Variants in SETX observed in about 807,000 individuals in gnomAD.
The protein encoded by SETX is helicase senataxin.
SETX carries 90 observed loss-of-function variants against 227.2 expected under a neutral mutation model. That is an observed-to-expected ratio of 0.40 (90% confidence interval 0.33 to 0.47). The LOEUF (loss-of-function observed/expected upper bound fraction) is 0.47. Ranked by LOEUF, SETX falls within the 20% of genes least tolerant of loss-of-function variation. SETX has a pLI of 0.91. For missense variants in SETX, 3,052 were observed against 3,181.5 expected (o/e 0.96, Z 0.98); for synonymous variants, 1,210 against 1,113.2 (o/e 1.09, Z -1.73).
intron 6 of SETX, among the ~76,000 whole-genome samples, chr9:132,335,313 C>T (rs548367821): frequency 7.4e-6 from 1 of 135,164 alleles, no homozygotes; most frequent in Non-Finnish European, 1.5e-5. Context: ...ATGGCGTGAA[C>T]CCAGGAGGCG....
chr9:132,343,147 G>A (rs1459289766), intron 4 of SETX, among the ~76,000 whole-genome samples: 3 of 151,962 alleles, frequency 2.0e-5, no homozygotes, highest in East Asian at 1.9e-4. Flanking sequence ...GTGAAACCCC[G>A]TCTCTACTAA....
rs916062372 is a variant in SETX at position 132,288,201 on chromosome 9, A to G, written c.6324+35T>C. ...AAAAAAAACTTGTTAACTAGTTCGT[A>G]TACCTGAGTTATTATTCAAGAAATG... is the stretch of plus-strand genomic sequence containing the variant. On this transcript the variant is annotated intron_variant, in intron 17 of 25. Coordinates refer to ENST00000224140, the MANE Select transcript of SETX (RefSeq NM_015046.7). 3 of 1,553,464 alleles carry G rather than the reference A, an allele frequency of 1.9e-6. No homozygotes were observed. The African/African-American group carries it at 4.1e-5, about 21-fold the overall frequency.
chr9:132,332,185 TCTA>T (rs1847277232), intron 7 of SETX, among the ~76,000 whole-genome samples: 1 of 152,218 alleles, frequency 6.6e-6, no homozygotes, highest in Admixed American at 6.5e-5. Context: ...AAGATATTGA[TCTA>T]CTGTTTATTT....
Position 132,283,105 on chromosome 9 carries a change from G to A in SETX, c.6546+159C>T. ...CACTTTCACTATGGAGGGTCATTAA[G>A]GAGTATATTTCTACATAAGGGAATA... On this transcript the variant is annotated intron_variant, in intron 19 of 25. Coordinates refer to ENST00000224140, the MANE Select transcript of SETX (RefSeq NM_015046.7). The A allele has an allele frequency of 3.4e-6, 3 of 885,574 alleles. No individual in the cohort carries two copies. The South Asian group carries it at 4.6e-5, about 13-fold the overall frequency. The allele number at this position is 885,574 out of a possible 1,614,324, so 54.9% of individuals were successfully genotyped here.
intron 10 of SETX, 66 bp from the exon 11 acceptor site, chr9:132,311,922 T>C: frequency 8.1e-7 from 1 of 1,233,294 alleles, no homozygotes; most frequent in Non-Finnish European, 1.2e-6. Flanking sequence ...ATAGTAACAT[T>C]TTCCAAAGTT....
intron 15 of SETX, among the ~76,000 whole-genome samples, chr9:132,295,585 C>T (rs1202796401): frequency 6.6e-6 from 1 of 152,214 alleles, no homozygotes; most frequent in Non-Finnish European, 1.5e-5. Flanking sequence ...TGTGGAACAC[C>T]CCACATTTTA....
chr9:132,265,229 T>G (rs370282254), intron 25 of SETX, among the ~76,000 whole-genome samples: 25 of 144,758 alleles, frequency 1.7e-4, no homozygotes, highest in South Asian at 4.5e-4. Context: ...CTTTTGTTTT[T>G]TTTTTTTTTT....
intron 10 of SETX, among the ~76,000 whole-genome samples, chr9:132,320,106 G>C (rs954683544): frequency 2.0e-5 from 3 of 151,970 alleles, no homozygotes; most frequent in Non-Finnish European, 4.4e-5. Context: ...TCTTCTTCCC[G>C]TCACATCAAT....
intron 9 of SETX, among the ~76,000 whole-genome samples, chr9:132,330,789 A>G (rs1054610753): frequency 7.9e-5 from 12 of 152,200 alleles, no homozygotes; most frequent in Admixed American, 6.5e-4. Flanking sequence ...TTTGATTTCT[A>G]GTCATGCCAT....
In SETX at chr9:132,348,230, G is replaced by A. The variant is rs562041335; in HGVS notation, c.177+1022C>T. On this transcript the variant is annotated intron_variant, in intron 3 of 25. Transcript: ENST00000224140. ...AAAAATTAGCCGGGTGTGGTGGCACGTGCCTTTAGTCCCAGCTACTTGGGA... is the reference window on the plus strand; with the variant it reads ...AAAAATTAGCCGGGTGTGGTGGCACATGCCTTTAGTCCCAGCTACTTGGGA... 3.3e-5 allele frequency among the ~76,000 whole-genome samples: 5 copies of A among 151,496 alleles called. No homozygotes were observed. In the South Asian group the frequency reaches 6.2e-4, roughly 19 times the overall value.
At chr9:132,322,432 A>G (rs1846421784) in intron 10 of SETX, among the ~76,000 whole-genome samples, 1 of 151,972 alleles carries the variant, frequency 6.6e-6, no homozygotes, top group Non-Finnish European at 1.5e-5. Context: ...TTCTGTCTCT[A>G]CAGATTTGCC....
At chr9:132,319,033 G>A (rs1359540896) in intron 10 of SETX, among the ~76,000 whole-genome samples, 2 of 152,144 alleles carry the variant, frequency 1.3e-5, no homozygotes, top group East Asian at 1.9e-4. Context: ...TCCCAAAAGA[G>A]AGGGCCATTA....
chr9:132,290,574 CAAA>C lies in SETX; in HGVS notation c.6107-1926_6107-1924del, dbSNP rs59954158. The stretch of plus-strand genomic sequence containing the variant: ...TGGGAGACAGAGCGAGACTCCGTCT[CAAA>C]AAAAAAAAAAAAAAAAAAAAAAAAT... On this transcript the variant is annotated intron_variant, in intron 15 of 25. Transcript: ENST00000224140. Among the ~76,000 whole-genome samples, 18 of 44,714 alleles carry C rather than the reference CAAA, an allele frequency of 4.0e-4. No individual in the cohort carries two copies. In the East Asian group the frequency reaches 4.3e-3, roughly 11 times the overall value. 29.3% of individuals were successfully genotyped at this position (44,714 alleles called of 152,430 possible).
intron 9 of SETX, 24 bp downstream of exon 9, chr9:132,331,028 C>G (rs764513640): frequency 6.5e-7 from 1 of 1,527,378 alleles, no homozygotes; most frequent in East Asian, 2.2e-5. Flanking sequence ...AAAATAGCAT[C>G]TGAATTTTCA....
In SETX at chr9:132,329,888, T is replaced by A; in HGVS notation, c.1710A>T (p.Leu570Phe). Residue 570 changes from leucine (L) to phenylalanine (F), a missense_variant, in exon 10 of 26, where the codon TTA becomes TTT. By Grantham distance (22) the Leu-to-Phe change is conservative (BLOSUM62 0). Transcript: ENST00000224140. ...DKLNLFLRGN[L>F]SLGWQLTSQE... ...GACTAGTCAACTGCCAACCTAGAGA[T>A]AAATTTCCTCTAAGGAATAAGTTGA... 6.2e-7 allele frequency: 1 copy of A among 1,614,180 alleles called. No individual in the cohort carries two copies. Among genetic ancestry groups the A allele is most frequent in the Non-Finnish European group, 8.5e-7 (1 of 1,180,028 alleles).
At chr9:132,302,949 T>G (rs1427596213) in intron 11 of SETX, among the ~76,000 whole-genome samples, 1 of 152,200 alleles carries the variant, frequency 6.6e-6, no homozygotes, top group African/African-American at 2.4e-5. Context: ...ATGGCAAGGT[T>G]ATTCAATGAG....
At chr9:132,268,259 T>C (rs1842738158) in intron 25 of SETX, among the ~76,000 whole-genome samples, 3 of 152,232 alleles carry the variant, frequency 2.0e-5, no homozygotes, top group Admixed American at 2.0e-4. Context: ...CAAATAGTGA[T>C]AAAAATCAAC....
At chr9:132,313,603 G>GT (rs768122140) in intron 10 of SETX, among the ~76,000 whole-genome samples, 2 of 152,068 alleles carry the variant, frequency 1.3e-5, no homozygotes, top group Non-Finnish European at 2.9e-5. Context: ...GCAGTTACAG[G>GT]TTTATCTGTT....
Position 132,328,289 on chromosome 9 carries a change from A to G in SETX, c.3309T>C (p.Val1103=). ...CCAAACATTTTTTCTCACCATCTTGAACTGAATTATTATCGTCTGGATGAT... is the reference window on the plus strand; with the variant it reads ...CCAAACATTTTTTCTCACCATCTTGGACTGAATTATTATCGTCTGGATGAT... ...WQDHPDDNNS[V]QDGEKKCLAP... is the part of the protein sequence containing the mutation. The change falls in exon 10 of 26, where the codon GTT becomes GTC. Residue 1103 remains valine, a synonymous_variant. Transcript: ENST00000224140. 6.2e-7 allele frequency: 1 copy of G among 1,614,058 alleles called. No individual in the cohort carries two copies. Among genetic ancestry groups the G allele is most frequent in the African/African-American group, 1.3e-5 (1 of 75,030 alleles).
Sources: allele counts gnomAD v4.1 joint callset (sites outside exome capture counted in the v4.1 genomes callset), GRCh38; gene constraint gnomAD v4.1.1; transcripts MANE v1.5; gene names NCBI Gene and HGNC (gene_info 2026-07-23, HGNC 2026-07-21).